GLI2: variants seen among roughly 807,000 people sequenced by gnomAD.
GLI2 encodes the protein transcription activator GLI2.
A neutral mutation model predicts 78.9 loss-of-function variants in GLI2; 22 were observed. That is an observed-to-expected ratio of 0.28 (90% CI 0.20 to 0.40). GLI2 has a LOEUF of 0.40. Among genes scored for constraint, GLI2 ranks in the 10% least tolerant of loss-of-function variants. The pLI is 1.00. For missense variants in GLI2, 2,097 were observed against 2,213.2 expected (o/e 0.95, Z 1.05); for synonymous variants, 974 against 963.7 (o/e 1.01, Z -0.20).
At chr2:120,784,505 G>C (rs566176945) in intron 1 of GLI2, among the ~76,000 whole-genome samples, 10 of 151,982 alleles carry the variant, frequency 6.6e-5, no homozygotes, top group Middle Eastern at 3.2e-3. Context: ...GGCTGAGGGG[G>C]CAGGGAGGGC....
intron 3 of GLI2, among the ~76,000 whole-genome samples, chr2:120,935,645 G>A (rs994197700): frequency 6.6e-6 from 1 of 152,208 alleles, no homozygotes; most frequent in Non-Finnish European, 1.5e-5. Context: ...GGCATGGGGA[G>A]GCTGACTGCC....
chr2:120,807,291 C>A (rs1326940910), intron 2 of GLI2, among the ~76,000 whole-genome samples: 1 of 152,132 alleles, frequency 6.6e-6, no homozygotes, highest in East Asian at 1.9e-4. Flanking sequence ...TGATCCGAAC[C>A]CCAGTGTCCT....
chr2:120,905,093 T>C (rs932608487), intron 2 of GLI2, among the ~76,000 whole-genome samples: 2 of 152,154 alleles, frequency 1.3e-5, no homozygotes, highest in Non-Finnish European at 2.9e-5. Flanking sequence ...TATCCTCCAG[T>C]GTCAAAAGGT....
chr2:120,887,705 T>C (rs770917350), intron 2 of GLI2, among the ~76,000 whole-genome samples: 4 of 152,228 alleles, frequency 2.6e-5, no homozygotes, highest in Non-Finnish European at 5.9e-5. Context: ...CCTGGTTTTG[T>C]CTGGGCCACA....
chr2:120,740,813 T>C (rs1361624187), intron 1 of GLI2, among the ~76,000 whole-genome samples: 1 of 152,238 alleles, frequency 6.6e-6, no homozygotes, highest in Non-Finnish European at 1.5e-5. Context: ...GGGATTGGGA[T>C]TGATTCCCTC....
chr2:120,938,857 G>A (rs1244823439), intron 3 of GLI2, among the ~76,000 whole-genome samples: 1 of 152,182 alleles, frequency 6.6e-6, no homozygotes, highest in Non-Finnish European at 1.5e-5. Flanking sequence ...TTCCCCACCA[G>A]CGCCAGCCCT....
chr2:120,846,574 G>T lies in GLI2; in HGVS notation c.148+49106G>T, dbSNP rs561726437. Among the ~76,000 whole-genome samples the T allele has an allele frequency of 7.9e-5, 12 of 152,316 alleles. No individual in the cohort carries two copies. The East Asian group carries it at 1.9e-3, about 25-fold the overall frequency. Reference sequence around the variant, plus strand: ...CCGGGCTGTTTTCCAACAGCCCCTGGTCGTGCCGAAGCACCTGTCCTGCCT... The same window carrying T: ...CCGGGCTGTTTTCCAACAGCCCCTGTTCGTGCCGAAGCACCTGTCCTGCCT... On this transcript the variant is annotated intron_variant, in intron 2 of 13. Transcript: ENST00000361492.
intron 3 of GLI2, among the ~76,000 whole-genome samples, chr2:120,948,679 G>T (rs1307451160): frequency 1.3e-5 from 2 of 152,196 alleles, no homozygotes; most frequent in African/African-American, 4.8e-5. Context: ...GCCTCACCAT[G>T]TAGCTTGAAA....
In GLI2 at chr2:120,988,276, C is replaced by T; in HGVS notation, c.2311C>T (p.Leu771=). The T allele has an allele frequency of 6.4e-7, 1 of 1,565,000 alleles. No homozygotes were observed. Among genetic ancestry groups the T allele is most frequent in the South Asian group, 1.2e-5 (1 of 86,340 alleles). ...CGCGGGGCTGCTGCCGAACCCGCGG[C>T]TGTCGGAGCTGTCCGCGAGCGAGGT... The part of the protein sequence containing the change: ...GPAGLLPNPR[L]SELSASEVTM... Residue 771 remains leucine (L), a synonymous_variant, in exon 14 of 14, where the codon CTG becomes TTG. Coordinates refer to ENST00000361492, the MANE Select transcript of GLI2 (RefSeq NM_001374353.1).
chr2:120,882,684 G>A (rs753292370), intron 2 of GLI2, among the ~76,000 whole-genome samples: 4 of 152,168 alleles, frequency 2.6e-5, no homozygotes, highest in Admixed American at 2.6e-4. Flanking sequence ...CATCCAGGAC[G>A]TCCCCTCTGG....
intron 2 of GLI2, among the ~76,000 whole-genome samples, chr2:120,922,642 G>A (rs1313276107): frequency 6.6e-6 from 1 of 152,182 alleles, no homozygotes; most frequent in Non-Finnish European, 1.5e-5. Context: ...AGCAGACCTT[G>A]CTGGAGATGA....
At chr2:120,943,700 C>G (rs756110050) in intron 3 of GLI2, among the ~76,000 whole-genome samples, 5 of 152,212 alleles carry the variant, frequency 3.3e-5, no homozygotes, top group Non-Finnish European at 5.9e-5. Context: ...GCCCCAGCCA[C>G]CAGCACAGAT....
intron 2 of GLI2, among the ~76,000 whole-genome samples, chr2:120,922,305 G>A (rs1679417677): frequency 6.6e-6 from 1 of 152,198 alleles, no homozygotes; most frequent in South Asian, 2.1e-4. Context: ...AAGGGTCTGG[G>A]CAGGTCCCTG....
At chr2:120,863,364 C>T (rs1042317818) in intron 2 of GLI2, among the ~76,000 whole-genome samples, 13 of 152,330 alleles carry the variant, frequency 8.5e-5, no homozygotes, top group African/African-American at 2.6e-4. Flanking sequence ...TCTTCCTGAC[C>T]GCGGTCTCCA....
At chr2:120,940,042 C>T (rs1680381239) in intron 3 of GLI2, among the ~76,000 whole-genome samples, 1 of 152,206 alleles carries the variant, frequency 6.6e-6, no homozygotes, top group African/African-American at 2.4e-5. Flanking sequence ...AGTGTTCTTT[C>T]ACATGCTTAT....
chr2:120,797,697 C>T (rs887322705), intron 2 of GLI2, among the ~76,000 whole-genome samples: 4 of 146,044 alleles, frequency 2.7e-5, no homozygotes, highest in South Asian at 2.2e-4. Flanking sequence ...CCTCAGACAG[C>T]GGTGGGTGGG....
chr2:120,867,843 G>A (rs1392010491), intron 2 of GLI2, among the ~76,000 whole-genome samples: 1 of 152,222 alleles, frequency 6.6e-6, no homozygotes, highest in Non-Finnish European at 1.5e-5. Flanking sequence ...AGGAAAGGAA[G>A]GAACTGGGTG....
At chr2:120,922,777 G>A (rs1168213756) in intron 2 of GLI2, among the ~76,000 whole-genome samples, 2 of 152,144 alleles carry the variant, frequency 1.3e-5, no homozygotes, top group East Asian at 3.9e-4. Context: ...ATTCCAGGGG[G>A]TGAGAGAGGA....
At chr2:120,762,819 A>G (rs1433499692) in intron 1 of GLI2, among the ~76,000 whole-genome samples, 5 of 152,208 alleles carry the variant, frequency 3.3e-5, no homozygotes, top group Non-Finnish European at 7.3e-5. Context: ...GTGAAGGCAC[A>G]GGGCTAAGGA....
Sources: gnomAD v4.1 joint callset for allele counts (sites outside exome capture counted in the v4.1 genomes callset) on GRCh38, gnomAD v4.1.1 for gene constraint, MANE v1.5 for transcripts, NCBI Gene and HGNC (gene_info 2026-07-23, HGNC 2026-07-21) for gene names.